Variants in KLK1 observed in about 807,000 individuals in gnomAD.
KLK1 encodes the protein kallikrein 1.
KLK1 carries 22 observed loss-of-function variants against 23.3 expected under a neutral mutation model. That is an observed-to-expected ratio of 0.95 (90% CI 0.68 to 1.35). The LOEUF is 1.35. Ranked by LOEUF, KLK1 falls within the 40% of genes most tolerant of loss-of-function variation. KLK1 has a pLI of 0.00. For synonymous variants in KLK1, 140 were observed against 135.8 expected, an observed-to-expected ratio of 1.03 and a Z score of -0.21; for missense variants, 301 against 338.9, an observed-to-expected ratio of 0.89 and a Z score of 0.88.
At position 50,823,713 on chromosome 19, in the gene KLK1, C is replaced by A. The variant is rs746273164; in HGVS notation, c.36G>T (p.Leu12=). Residue 12 remains leucine, a synonymous_variant, in exon 1 of 5, where the codon CTG becomes CTT. Coordinates refer to ENST00000301420, the MANE Select transcript of KLK1 (RefSeq NM_002257.4). ...CCCCCACTGTCTCACCAGTCCCCCCCAGGGACAGGGCGAGGCACAGAACCA... is the reference window on the plus strand; with the variant it reads ...CCCCCACTGTCTCACCAGTCCCCCCAAGGGACAGGGCGAGGCACAGAACCA... ...WFLVLCLALS[L]GGTGAAPPIQ... is the part of the protein sequence containing the mutation. 15 of 1,608,296 alleles carry A rather than the reference C, an allele frequency of 9.3e-6. 1 individual carries two copies. The South Asian group carries it at 1.4e-4, about 15-fold the overall frequency.
chr19:50,819,614 C>T (rs923232104), intron 4 of KLK1, among the ~76,000 whole-genome samples: 11 of 152,336 alleles, frequency 7.2e-5, no homozygotes, highest in Middle Eastern at 3.4e-3. Flanking sequence ...CTGCAGGACG[C>T]TGCCCCTGCG....
In KLK1 at chr19:50,822,557, T is replaced by C. The variant is rs1002544194; in HGVS notation, c.47-686A>G. 1.9e-5 allele frequency: 19 copies of C among 983,854 alleles called. No individual in the cohort carries two copies. The African/African-American group carries it at 3.2e-4, about 16-fold the overall frequency. 60.9% of individuals were successfully genotyped at this position (983,854 alleles called of 1,614,324 possible). Reference sequence around the variant, plus strand: ...AGGCTAGAGGTGGGCTTCCGAGAGGTTTTGGGGTCCTTCCTGTGAACCAGG... The same window carrying C: ...AGGCTAGAGGTGGGCTTCCGAGAGGCTTTGGGGTCCTTCCTGTGAACCAGG... On this transcript the variant is annotated intron_variant, in intron 1 of 4. Transcript: ENST00000301420.
Position 50,819,248 on chromosome 19 carries a change from G to A in KLK1, c.735C>T (p.Val245=), listed in dbSNP as rs2089805659. Residue 245 remains valine, a synonymous_variant, in exon 5 of 5, where the codon GTC becomes GTT. Coordinates refer to ENST00000301420, the MANE Select transcript of KLK1 (RefSeq NM_002257.4). ...TCCACTTCACATAAGACAGCACTCT[G>A]ACGGCGACAGAAGGCTTATTGGGGG... ...CGTPNKPSVA[V]RVLSYVKWIE... 2 of 1,614,080 alleles carry A rather than the reference G, an allele frequency of 1.2e-6. No individual in the cohort carries two copies. Among genetic ancestry groups the A allele is most frequent in the Non-Finnish European group, 8.5e-7 (1 of 1,180,014 alleles).
At chr19:50,822,999 G>T in intron 1 of KLK1, 1 of 726,938 alleles carries the variant, frequency 1.4e-6, no homozygotes, top group Non-Finnish European at 1.7e-6. Flanking sequence ...CCTGGGGCGG[G>T]ATGGAACTTC....
Position 50,823,770 on chromosome 19 carries a change from C to T in KLK1, c.-22G>A. The T allele has an allele frequency of 6.2e-7, 1 of 1,605,276 alleles. No individual in the cohort carries two copies. The highest frequency in any genetic ancestry group is 8.5e-7 in the Non-Finnish European group (1 of 1,173,874). On this transcript the variant is annotated 5_prime_UTR_variant, in exon 1 of 5. Coordinates refer to ENST00000301420, the MANE Select transcript of KLK1 (RefSeq NM_002257.4). ...ACATGGTGACAGAGGTGTCCAGGGG[C>T]CAGCAGGTGGAGGAACTGGGGAACC...
In KLK1 at chr19:50,820,144, C is replaced by T; in HGVS notation, c.496+10G>A. 6.3e-7 allele frequency: 1 copy of T among 1,599,272 alleles called. No homozygotes were observed. The highest frequency in any genetic ancestry group is 8.5e-7 in the Non-Finnish European group (1 of 1,170,646). ...CCCCGCCTTGGGCTACACAGTCTGC[C>T]CCCACATACAATTCTCTGGTTCGAT... On this transcript the variant is annotated intron_variant, in intron 3 of 4. Transcript: ENST00000301420.
At chr19:50,822,927 TG>T in intron 1 of KLK1, 1 of 984,944 alleles carries the variant, frequency 1.0e-6, no homozygotes, top group South Asian at 4.7e-5. Flanking sequence ...TCAGGATCCT[TG>T]GGGTGGGGTT....
chr19:50,819,298 A>T lies in KLK1; in HGVS notation c.685T>A (p.Ser229Thr). The T allele has an allele frequency of 6.2e-7, 1 of 1,614,136 alleles. No homozygotes were observed. The highest frequency in any genetic ancestry group is 8.5e-7 in the Non-Finnish European group (1 of 1,179,984). The change falls in exon 5 of 5, where the codon TCA (serine) becomes ACA (threonine). Residue 229 changes from serine to threonine, a missense_variant. Physicochemically the swap from Ser to Thr is moderately conservative, Grantham distance 58 (BLOSUM62 1). Coordinates refer to ENST00000301420, the MANE Select transcript of KLK1 (RefSeq NM_002257.4). ...GTGCCACAAGGGACGTAGCCCCATG[A>T]TGTGACACCTTGGAGCACACCATCA... Reference protein sequence around the residue: ...MCDGVLQGVTSWGYVPCGTPN... With the variant: ...MCDGVLQGVTTWGYVPCGTPN...
chr19:50,822,018 T>G, intron 1 of KLK1, 147 bp from the exon 2 acceptor site: 1 of 1,428,496 alleles, frequency 7.0e-7, no homozygotes, highest in Non-Finnish European at 9.1e-7. Flanking sequence ...CAAGGGGTGT[T>G]GGGAAGGGGT....
chr19:50,820,934 G>GGGGGAGGGTGGGGGCAGGT (rs911161396), intron 2 of KLK1: 1 of 151,446 alleles, frequency 6.6e-6, no homozygotes, highest in Admixed American at 6.6e-5. Context: ...GGGAGGCCCT[G>GGGGGAGGGTGGGGGCAGGT]GGGGAGGGTG....
At position 50,820,011 on chromosome 19, in the gene KLK1, C is replaced by T. The variant is rs373150051; in HGVS notation, c.521G>A (p.Cys174Tyr). ...ENFSFPDDLQCVDLKILPNDE... is the reference protein window; with the variant it reads ...ENFSFPDDLQYVDLKILPNDE... The stretch of plus-strand genomic sequence containing the variant: ...ATTAGGCAGGATTTTGAGGTCCACA[C>T]ACTGGAGATCATCTGGAAATGAGAC... Residue 174 changes from cysteine to tyrosine, a missense_variant, in exon 4 of 5, where the codon TGT becomes TAT. Coordinates refer to ENST00000301420, the MANE Select transcript of KLK1 (RefSeq NM_002257.4). 2 of 1,614,082 alleles carry T rather than the reference C, an allele frequency of 1.2e-6. No homozygotes were observed. Among genetic ancestry groups the T allele is most frequent in the African/African-American group, 1.3e-5 (1 of 74,940 alleles).
intron 1 of KLK1, chr19:50,822,498 C>T: frequency 1.0e-6 from 1 of 985,222 alleles, no homozygotes; most frequent in Non-Finnish European, 1.2e-6. Context: ...TTCAGGGCTT[C>T]CTGGTTAAAG....
At chr19:50,819,709 T>C (rs2089809920) in intron 4 of KLK1, among the ~76,000 whole-genome samples, 190 bp downstream of exon 4, 1 of 135,184 alleles carries the variant, frequency 7.4e-6, no homozygotes, top group African/African-American at 2.8e-5. Flanking sequence ...TGAACTCTGG[T>C]GTGGGGGGTG....
In KLK1 at chr19:50,821,163, C is replaced by T. The variant is rs891687916; in HGVS notation, c.206+549G>A. ...TGCCCCACCCAGCTCCCGCTGAAAC[C>T]AGCCCTTCCCTGTGTCTCTCCAGAG... On this transcript the variant is annotated intron_variant, in intron 2 of 4. Transcript: ENST00000301420. This position sits in a 1 kb window ranked among gnomAD's most constrained non-coding sequence, Gnocchi z 5.6. Among the ~76,000 whole-genome samples the T allele has an allele frequency of 2.6e-5, 4 of 152,202 alleles. No homozygotes were observed. Among genetic ancestry groups the T allele is most frequent in the African/African-American group, 4.8e-5 (2 of 41,460 alleles).
In KLK1 at chr19:50,821,853, T is replaced by C. The variant is rs746678721; in HGVS notation, c.65A>G (p.Gln22Arg). The C allele has an allele frequency of 2.5e-6, 4 of 1,610,856 alleles. No homozygotes were observed. The African/African-American group carries it at 4.0e-5, about 16-fold the overall frequency. The change falls in exon 2 of 5, where the codon CAG becomes CGG. Residue 22 changes from glutamine to arginine, a missense_variant. Physicochemically the swap from Gln to Arg is conservative, Grantham distance 43. Transcript: ENST00000301420. This position sits in a 1 kb window ranked among gnomAD's most constrained non-coding sequence, Gnocchi z 5.6. ...LGGTGAAPPI[Q>R]SRIVGGWECE... is the part of the protein sequence containing the mutation. ...CTCCCAGCCTCCCACAATCCGGGACTGAATCGGGGGCGCAGCACCTGCAGA... is the reference window on the plus strand; with the variant it reads ...CTCCCAGCCTCCCACAATCCGGGACCGAATCGGGGGCGCAGCACCTGCAGA...
chr19:50,822,042 G>T, intron 1 of KLK1, 171 bp from the exon 2 acceptor site: 1 of 1,394,776 alleles, frequency 7.2e-7, no homozygotes, highest in Non-Finnish European at 9.3e-7. Flanking sequence ...ACTCTGGACT[G>T]TTCCCTGGGC....
In KLK1 at chr19:50,822,516, GA is replaced by G. The variant is rs372475988; in HGVS notation, c.47-646del. 988 of 985,432 alleles carry G rather than the reference GA, an allele frequency of 1.0e-3. 7 individuals are homozygous for G. In the African/African-American group the frequency reaches 0.015, roughly 15 times the overall value. 61.0% of individuals were successfully genotyped at this position (985,432 alleles called of 1,614,324 possible). A position where few individuals can be genotyped will look rare whatever the true frequency, so the allele number is the denominator to read the frequency against. The stretch of plus-strand genomic sequence containing the variant: ...AGGGCTTCCTGGTTAAAGGGTAAAA[GA>G]AAGGGCTATGGTTAAGGCTAGAGGT... On this transcript the variant is annotated intron_variant, in intron 1 of 4. Transcript: ENST00000301420.
At chr19:50,823,117 G>A (rs1028236361) in intron 1 of KLK1, among the ~76,000 whole-genome samples, 1 of 152,106 alleles carries the variant, frequency 6.6e-6, no homozygotes, top group African/African-American at 2.4e-5. Flanking sequence ...CCAGATGGGG[G>A]ATCCCACATG....
At chr19:50,823,439 AGAG>A (rs1348095417) in intron 1 of KLK1, among the ~76,000 whole-genome samples, 1 of 151,838 alleles carries the variant, frequency 6.6e-6, no homozygotes, top group African/African-American at 2.4e-5. Flanking sequence ...TGGCTAGGGA[AGAG>A]GAGAAAGTAC....
Sources: allele counts gnomAD v4.1 joint callset (sites outside exome capture counted in the v4.1 genomes callset), GRCh38; gene constraint gnomAD v4.1.1; non-coding constraint Gnocchi (gnomAD v3.1); transcripts MANE v1.5; gene names NCBI Gene and HGNC (gene_info 2026-07-23, HGNC 2026-07-21).